The following WDR18 variants were observed in gnomAD, a reference collection of about 807,000 sequenced individuals.
The protein encoded by WDR18 is WD repeat-containing protein 18.
A neutral mutation model predicts 49.6 loss-of-function variants in WDR18; 33 were observed. The ratio of observed to expected loss-of-function variants is 0.67; its 90% CI spans 0.50 to 0.89. The LOEUF is 0.89. WDR18 is among the 40% of genes least tolerant of loss of function. WDR18 has a pLI of 0.00. For missense variants in WDR18, 653 were observed against 593.6 expected (o/e 1.10, Z -1.04); for synonymous variants, 315 against 263.6 (o/e 1.19, Z -1.89).
At chr19:987,828 A>ATTTTTTTTTTTTTTTTTTTTTTTTTTT in intron 2 of WDR18, among the ~76,000 whole-genome samples, 1 of 47,834 alleles carries the variant, frequency 2.1e-5, no homozygotes, top group East Asian at 6.3e-4. Context: ...AGCCGCCTCC[A>ATTTTTTTTTTTTTTTTTTTTTTTTTTT]GTTTTTTTTT....
rs1025253114 is a variant in WDR18 at position 987,204 on chromosome 19, A to G, written c.321+1229A>G. Among the ~76,000 whole-genome samples, 6 of 152,202 alleles carry G rather than the reference A, an allele frequency of 3.9e-5. No homozygotes were observed. The South Asian group carries it at 1.0e-3, about 26-fold the overall frequency. ...CAAAAAATAGAAAAATTAGCTGGGC[A>G]TGGTGGCATACACCTATAGTCCCAG... On this transcript the variant is annotated intron_variant, in intron 2 of 9. Transcript: ENST00000585809.
At position 984,577 on chromosome 19, in the gene WDR18, G is replaced by C. The variant is rs1019991700; in HGVS notation, c.210+14G>C. 8.2e-6 allele frequency: 12 copies of C among 1,457,256 alleles called. No homozygotes were observed. Among genetic ancestry groups the C allele is most frequent in the African/African-American group, 4.4e-5 (3 of 68,332 alleles). 90.3% of individuals were successfully genotyped at this position (1,457,256 alleles called of 1,614,324 possible). A position where few individuals can be genotyped will look rare whatever the true frequency, so the allele number is the denominator to read the frequency against. On this transcript the variant is annotated intron_variant, in intron 1 of 9. Coordinates refer to ENST00000585809, the MANE Select transcript of WDR18 (RefSeq NM_024100.4). Reference sequence around the variant, plus strand: ...CTCCAGCGGAAGGTGCGGCGGTGCGGTCTCGCTGCTGGGGTCATGGGGCGC... The same window carrying C: ...CTCCAGCGGAAGGTGCGGCGGTGCGCTCTCGCTGCTGGGGTCATGGGGCGC...
rs1478911182 is a variant in WDR18, at chr19:991,845, G to A, written c.932-110G>A. On this transcript the variant is annotated intron_variant, in intron 7 of 9. Coordinates refer to ENST00000585809, the MANE Select transcript of WDR18 (RefSeq NM_024100.4). ...TGGCTGGGGGCGTGGACTGGCTGTG[G>A]GGCGGGGACTGGCTGGGGGCGGGGA... 1.9e-5 allele frequency: 24 copies of A among 1,243,670 alleles called. No individual in the cohort carries two copies. In the African/African-American group the frequency reaches 3.9e-4, roughly 20 times the overall value. The allele number at this position is 1,243,670 out of a possible 1,614,324, so 77.0% of individuals were successfully genotyped here. A position where few individuals can be genotyped will look rare whatever the true frequency, so the allele number is the denominator to read the frequency against.
At chr19:985,507 G>A (rs148156603) in intron 1 of WDR18, among the ~76,000 whole-genome samples, 1,882 of 152,208 alleles carry the variant, frequency 0.012, 31 homozygotes, top group Non-Finnish European at 0.014. Context: ...GCTGAGGCTT[G>A]GGGTCTTAGG....
chr19:990,474 G>A, intron 4 of WDR18, 110 bp downstream of exon 4: 1 of 1,383,690 alleles, frequency 7.2e-7, no homozygotes, highest in Non-Finnish European at 9.5e-7. Context: ...CAGGACTCCA[G>A]ACGGCTTTTA....
At chr19:985,832 A>C (rs762995049) in intron 1 of WDR18, 33 bp from the exon 2 acceptor site, 1 of 1,608,742 alleles carries the variant, frequency 6.2e-7, no homozygotes, top group Non-Finnish European at 8.5e-7. Flanking sequence ...CGTGTCCTGC[A>C]TGGGGCTCAC....
chr19:988,593 C>T (rs781007416), intron 2 of WDR18, among the ~76,000 whole-genome samples: 11 of 152,216 alleles, frequency 7.2e-5, no homozygotes, highest in South Asian at 2.1e-4. Flanking sequence ...CAACAAAGCA[C>T]GACGCACAGG....
intron 2 of WDR18, among the ~76,000 whole-genome samples, chr19:988,626 G>T (rs1414758473): frequency 6.6e-6 from 1 of 152,192 alleles, no homozygotes; most frequent in Non-Finnish European, 1.5e-5. Flanking sequence ...CAGAAACTCG[G>T]CCCCCATCCT....
chr19:990,029 C>T (rs2038522844), intron 3 of WDR18, 134 bp downstream of exon 3: 7 of 1,436,638 alleles, frequency 4.9e-6, no homozygotes, highest in Admixed American at 2.6e-5. Flanking sequence ...GTGATCATCC[C>T]AGGGGTCCTG....
At chr19:987,778 G>A (rs188873384) in intron 2 of WDR18, among the ~76,000 whole-genome samples, 618 of 148,772 alleles carry the variant, frequency 4.2e-3, no homozygotes, top group Non-Finnish European at 7.3e-3. Flanking sequence ...GCTCGGGACA[G>A]TGTGCTGGGT....
upstream of WDR18, chr19:984,296 G>C (rs527697401): frequency 1.3e-6 from 2 of 1,483,466 alleles, no homozygotes. Flanking sequence ...GCCCGCGTGG[G>C]GCAGTCGTCC....
At chr19:985,198 C>T (rs2038462468) in intron 1 of WDR18, among the ~76,000 whole-genome samples, 1 of 152,164 alleles carries the variant, frequency 6.6e-6, no homozygotes, top group African/African-American at 2.4e-5. Flanking sequence ...CAGGGTCTCA[C>T]TCTGTCGCTG....
intron 8 of WDR18, 128 bp downstream of exon 8, chr19:992,249 G>A: frequency 1.7e-6 from 2 of 1,184,386 alleles, no homozygotes; most frequent in Non-Finnish European, 2.2e-6. Context: ...ACTGGAGGGC[G>A]CGTCCTGTGA....
intron 7 of WDR18, 132 bp from the exon 8 acceptor site, chr19:991,823 C>A (rs866201383): frequency 1.4e-5 from 13 of 927,262 alleles, no homozygotes; most frequent in Admixed American, 6.4e-5. Flanking sequence ...CGGGGCCTGG[C>A]TGGGGGCGTG....
intron 6 of WDR18, 31 bp downstream of exon 6, chr19:991,176 C>G: frequency 6.6e-7 from 1 of 1,512,880 alleles, no homozygotes; most frequent in South Asian, 1.2e-5. Context: ...CGGGGGCTCC[C>G]AGGCACGTCC....
rs1220889937 is a variant in WDR18 at position 991,338 on chromosome 19, G to C, written c.918G>C (p.Thr306=). ...WDVQSKQCIR[T]VALKGPVTNA... The stretch of plus-strand genomic sequence containing the variant: ...TGCAGAGCAAGCAGTGCATCCGGAC[G>C]GTGGCCCTCAAAGGTGGGCGCGCCT... Residue 306 remains threonine (T), a synonymous_variant, in exon 7 of 10, where the codon ACG becomes ACC. Coordinates refer to ENST00000585809, the MANE Select transcript of WDR18 (RefSeq NM_024100.4). 9 of 1,554,980 alleles carry C rather than the reference G, an allele frequency of 5.8e-6. No individual in the cohort carries two copies. The highest frequency in any genetic ancestry group is 7.0e-6 in the Non-Finnish European group (8 of 1,149,686).
rs567207920 is a variant in WDR18, at chr19:989,960, C to T, written c.455+65C>T. On this transcript the variant is annotated intron_variant, in intron 3 of 9. Transcript: ENST00000585809. ...CCCGGGCTCAGGCGGGGAGAGGAGG[C>T]GCCAAGGCCCCTGGCGGGAAGGGGC... 108 of 1,532,196 alleles carry T rather than the reference C, an allele frequency of 7.0e-5. No homozygotes were observed. The East Asian group carries it at 2.1e-3, about 30-fold the overall frequency. The allele number at this position is 1,532,196 out of a possible 1,614,324, so 94.9% of individuals were successfully genotyped here.
rs756731690 is a variant in WDR18, at chr19:992,059, G to A, written c.1036G>A (p.Ala346Thr). Residue 346 changes from alanine to threonine, a missense_variant, in exon 8 of 10, where the codon GCC becomes ACC. Transcript: ENST00000585809. ...CCACTTCAACAAGCACCTGCTGGGC[G>A]CCGAGCACGGGGACGAGCCGCGCCA... The part of the protein sequence containing the change: ...LPHFNKHLLG[A>T]EHGDEPRHGG... 2.5e-6 allele frequency: 4 copies of A among 1,573,890 alleles called. No homozygotes were observed. The highest frequency in any genetic ancestry group is 2.3e-5 in the South Asian group (2 of 87,336).
chr19:988,002 G>A (rs929569997), intron 2 of WDR18, among the ~76,000 whole-genome samples: 11 of 151,728 alleles, frequency 7.2e-5, no homozygotes, highest in Non-Finnish European at 1.0e-4. Context: ...GCTAATTTTT[G>A]TATTTTTATT....
Sources: gnomAD v4.1 joint callset for allele counts (sites outside exome capture counted in the v4.1 genomes callset) on GRCh38, gnomAD v4.1.1 for gene constraint, MANE v1.5 for transcripts, NCBI Gene and HGNC (gene_info 2026-07-23, HGNC 2026-07-21) for gene names.